TBC1D5: variants seen among roughly 807,000 people sequenced by gnomAD.
TBC1D5 encodes the protein TBC1 domain family member 5.
In TBC1D5, 75 loss-of-function variants were observed where a neutral mutation model predicts 100.3. That is an observed-to-expected ratio of 0.75 (90% confidence interval 0.62 to 0.91). The LOEUF is 0.91. Ranked by LOEUF, TBC1D5 falls within the 40% of genes least tolerant of loss-of-function variation. TBC1D5 has a pLI of 0.00. For synonymous variants in TBC1D5, 323 were observed against 325.6 expected (o/e 0.99, Z 0.09); for missense variants, 910 against 942.4 (o/e 0.97, Z 0.45).
At chr3:17,519,003 G>A (rs548481710) in intron 2 of TBC1D5, 1 of 152,412 alleles carries the variant, frequency 6.6e-6, no homozygotes, top group South Asian at 2.1e-4. Context: ...CTCCTGCAAG[G>A]AGTTGAGAGC....
intron 14 of TBC1D5, among the ~76,000 whole-genome samples, chr3:17,305,996 T>C (rs2083355093): frequency 6.6e-6 from 1 of 152,240 alleles, no homozygotes. Context: ...ATGACCCTCC[T>C]GTTTCTTTCT....
intron 2 of TBC1D5, among the ~76,000 whole-genome samples, chr3:17,578,334 T>C (rs1179778589): frequency 6.6e-6 from 1 of 151,996 alleles, no homozygotes; most frequent in Admixed American, 6.6e-5. Context: ...GTTTAACTAT[T>C]CTCTTGGGAA....
intron 2 of TBC1D5, among the ~76,000 whole-genome samples, chr3:17,516,733 A>T (rs1393772796): frequency 6.6e-6 from 1 of 152,182 alleles, no homozygotes; most frequent in Admixed American, 6.5e-5. Context: ...TTCATCAAAA[A>T]CAGACAACAC....
intron 3 of TBC1D5, among the ~76,000 whole-genome samples, chr3:17,497,418 A>T (rs1403159837): frequency 6.6e-6 from 1 of 152,232 alleles, no homozygotes; most frequent in African/African-American, 2.4e-5. Context: ...ATACTGGATG[A>T]TCAACAAATA....
chr3:17,319,655 G>T (rs921108607), intron 13 of TBC1D5, among the ~76,000 whole-genome samples: 1 of 151,912 alleles, frequency 6.6e-6, no homozygotes, highest in Non-Finnish European at 1.5e-5. Context: ...CGGATCACAA[G>T]GTCAGGAGAT....
chr3:17,478,194 T>C (rs1044956036), intron 3 of TBC1D5, among the ~76,000 whole-genome samples: 5 of 152,190 alleles, frequency 3.3e-5, no homozygotes, highest in African/African-American at 1.2e-4. Flanking sequence ...CAGTCAATTG[T>C]CTTAGGTTTT....
At chr3:17,173,808 T>C (rs1005043459) in intron 19 of TBC1D5, among the ~76,000 whole-genome samples, 8 of 152,082 alleles carry the variant, frequency 5.3e-5, no homozygotes, top group Non-Finnish European at 8.8e-5. Context: ...TGTTATAAAA[T>C]AGAGAGGTGG....
chr3:17,286,986 G>C (rs1360893414), intron 15 of TBC1D5, among the ~76,000 whole-genome samples: 2 of 152,172 alleles, frequency 1.3e-5, no homozygotes, highest in African/African-American at 4.8e-5. Context: ...TAGATTCTTT[G>C]CTATGTCTTC....
At chr3:17,596,255 C>A (rs1309503034) in intron 2 of TBC1D5, among the ~76,000 whole-genome samples, 1 of 150,144 alleles carries the variant, frequency 6.7e-6, no homozygotes, top group African/African-American at 2.4e-5. Context: ...TGGAGATTCA[C>A]AATCAGATTC....
chr3:17,545,643 A>G (rs2096407605), intron 2 of TBC1D5, among the ~76,000 whole-genome samples: 1 of 152,248 alleles, frequency 6.6e-6, no homozygotes, highest in African/African-American at 2.4e-5. Flanking sequence ...AATATTCATT[A>G]GCCACTAATA....
At chr3:17,532,001 A>C (rs1488027846) in intron 2 of TBC1D5, among the ~76,000 whole-genome samples, 1 of 152,196 alleles carries the variant, frequency 6.6e-6, no homozygotes, top group African/African-American at 2.4e-5. Context: ...TAATTAAACT[A>C]AAGAGCTTCT....
chr3:17,583,829 A>G (rs1016239106), intron 2 of TBC1D5, among the ~76,000 whole-genome samples: 3 of 152,182 alleles, frequency 2.0e-5, no homozygotes, highest in Non-Finnish European at 4.4e-5. Flanking sequence ...TAGAATTACA[A>G]TATCACCTAC....
intron 8 of TBC1D5, among the ~76,000 whole-genome samples, chr3:17,384,984 T>C (rs2093093485): frequency 1.3e-5 from 2 of 152,048 alleles, no homozygotes; most frequent in South Asian, 2.1e-4. Context: ...AAGAGTAGCA[T>C]AGGAAGGACT....
chr3:17,539,157 G>A (rs1305857537), intron 2 of TBC1D5, among the ~76,000 whole-genome samples: 1 of 152,138 alleles, frequency 6.6e-6, no homozygotes, highest in Admixed American at 6.5e-5. Flanking sequence ...CTGCAATCCA[G>A]CCTGAGTGCT....
chr3:17,525,057 C>G (rs902106770), intron 2 of TBC1D5, among the ~76,000 whole-genome samples: 2 of 151,960 alleles, frequency 1.3e-5, no homozygotes, highest in African/African-American at 4.8e-5. Flanking sequence ...TTTCTGGACA[C>G]ACAAGAAACC....
chr3:17,372,164 GTTGAC>G lies in TBC1D5; in HGVS notation c.901_905del (p.Val301ProfsTer11). 1.2e-6 allele frequency: 2 copies of G among 1,613,800 alleles called. No homozygotes were observed. The highest frequency in any genetic ancestry group is 1.7e-6 in the Non-Finnish European group (2 of 1,179,804). On this transcript the variant is annotated frameshift_variant, in exon 13 of 22. Coordinates refer to ENST00000253692, the Ensembl canonical transcript of TBC1D5. LOFTEE classifies it high-confidence loss of function. The stretch of plus-strand genomic sequence containing the variant: ...TCTTCAGTAGATGATCCTGGATCTG[GTTGAC>G]TTTAGTAACAATAGCAATTGTTGGC...
rs569861850 is a variant in TBC1D5 at position 17,170,208 on chromosome 3, C to T, written c.1853-2380G>A. Among the ~76,000 whole-genome samples, 58 of 152,282 alleles carry T rather than the reference C, an allele frequency of 3.8e-4. 1 individual carries two copies. Among genetic ancestry groups the T allele is most frequent in the South Asian group, 1.0e-3 (5 of 4,830 alleles). ...TGAGAGGCAGCATGGCACACAGCAC[C>T]GGATGCTTGGACAGGGAAATGGATT... On this transcript the variant is annotated intron_variant, in intron 19 of 21. Transcript: ENST00000253692.
chr3:17,337,123 G>GTTTTTTTTTTTTTTTTTTTTTTTT (rs11328091), intron 13 of TBC1D5, among the ~76,000 whole-genome samples: 4 of 116,152 alleles, frequency 3.4e-5, no homozygotes, highest in African/African-American at 1.4e-4. Context: ...TATCTGAGAG[G>GTTTTTTTTTTTTTTTTTTTTTTTT]TTTTTTTTTT....
At position 17,250,209 on chromosome 3, in the gene TBC1D5, A is replaced by T. The variant is rs553505512; in HGVS notation, c.1331+8297T>A. 2.0e-5 allele frequency among the ~76,000 whole-genome samples: 3 copies of T among 152,330 alleles called. No individual in the cohort carries two copies. The East Asian group carries it at 5.8e-4, about 29-fold the overall frequency. The stretch of plus-strand genomic sequence containing the variant: ...TGAGTCCATCAGCAAATGCTAGTCA[A>T]AATATATACTCAAACAAATCACTTT... On this transcript the variant is annotated intron_variant, in intron 16 of 21. Transcript: ENST00000253692.
Sources: allele counts gnomAD v4.1 joint callset (sites outside exome capture counted in the v4.1 genomes callset), GRCh38; gene constraint gnomAD v4.1.1; transcripts MANE v1.5; gene names NCBI Gene and HGNC (gene_info 2026-07-23, HGNC 2026-07-21).